CSMD3: variants seen among roughly 807,000 people sequenced by gnomAD.
CSMD3 encodes CUB and sushi domain-containing protein 3.
In CSMD3, 177 loss-of-function variants were observed where a neutral mutation model predicts 435.2. The observed-to-expected ratio is 0.41, with a 90% CI of 0.36 to 0.46. The LOEUF (loss-of-function observed/expected upper bound fraction) is 0.46, where lower values mean the gene tolerates loss of function less well. Among genes scored for constraint, CSMD3 ranks in the 20% least tolerant of loss-of-function variants. The pLI is 0.34. For synonymous variants in CSMD3, 1,656 were observed against 1,520.5 expected, an observed-to-expected ratio of 1.09 and a Z score of -2.07; for missense variants, 4,265 against 4,504.6, an observed-to-expected ratio of 0.95 and a Z score of 1.52.
chr8:113,123,587 G>A (rs577945724), intron 4 of CSMD3, among the ~76,000 whole-genome samples: 2 of 152,098 alleles, frequency 1.3e-5, no homozygotes, highest in South Asian at 2.1e-4. Context: ...TTAGGCATAG[G>A]ATCAAAACTC....
intron 1 of CSMD3, among the ~76,000 whole-genome samples, chr8:113,359,699 T>C (rs4404945): frequency 0.94 from 142,478 of 152,304 alleles, 66,766 homozygotes; most frequent in East Asian, 1. Flanking sequence ...TATTGGTTGT[T>C]GCAAGCAATT....
intron 1 of CSMD3, among the ~76,000 whole-genome samples, chr8:113,354,878 C>T (rs1298314366): frequency 6.6e-6 from 1 of 152,042 alleles, no homozygotes; most frequent in African/African-American, 2.4e-5. Context: ...GGCCCAAGCA[C>T]TCCACCGACC....
chr8:113,280,097 T>C (rs2093602388), intron 2 of CSMD3, among the ~76,000 whole-genome samples: 1 of 151,898 alleles, frequency 6.6e-6, no homozygotes, highest in South Asian at 2.1e-4. Flanking sequence ...TTCGCACCCA[T>C]GTTCATCAAG....
intron 38 of CSMD3, among the ~76,000 whole-genome samples, chr8:112,356,390 G>A (rs1329471656): frequency 6.6e-6 from 1 of 152,130 alleles, no homozygotes; most frequent in African/African-American, 2.4e-5. Context: ...ATTATCTGAG[G>A]AGAATTAATG....
Position 112,539,642 on chromosome 8 carries a change from A to C in CSMD3, c.4564+11029T>G, listed in dbSNP as rs1368201293. 5.3e-5 allele frequency among the ~76,000 whole-genome samples: 8 copies of C among 152,222 alleles called. No homozygotes were observed. The South Asian group carries it at 1.7e-3, about 32-fold the overall frequency. On this transcript the variant is annotated intron_variant, in intron 27 of 70. Coordinates refer to ENST00000297405, the MANE Select transcript of CSMD3 (RefSeq NM_198123.2). Reference sequence around the variant, plus strand: ...ATACATCTACAGCCAACTCATTTTTAACAGATACACTGTGAAAGGACTTCA... The same window carrying C: ...ATACATCTACAGCCAACTCATTTTTCACAGATACACTGTGAAAGGACTTCA...
chr8:113,422,156 C>T (rs1382428970), intron 1 of CSMD3, among the ~76,000 whole-genome samples: 2 of 152,170 alleles, frequency 1.3e-5, no homozygotes, highest in Admixed American at 1.3e-4. Flanking sequence ...CCTCAACCAT[C>T]TGGCTTTTCT....
intron 5 of CSMD3, among the ~76,000 whole-genome samples, chr8:113,084,095 G>T (rs556291525): frequency 6.6e-6 from 1 of 152,168 alleles, no homozygotes; most frequent in Non-Finnish European, 1.5e-5. Context: ...GTCACACAAA[G>T]ATTTAAAATG....
At chr8:112,653,009 G>A (rs111582813) in intron 18 of CSMD3, among the ~76,000 whole-genome samples, 4,387 of 152,126 alleles carry the variant, frequency 0.029, 233 homozygotes, top group African/African-American at 0.099. Flanking sequence ...TAGAGACGTG[G>A]TTTCACCACG....
intron 11 of CSMD3, among the ~76,000 whole-genome samples, chr8:112,850,414 T>C (rs1407497994): frequency 6.6e-6 from 1 of 152,210 alleles, no homozygotes; most frequent in Non-Finnish European, 1.5e-5. Context: ...CAGAAAATGC[T>C]TTTGTTGATG....
intron 35 of CSMD3, among the ~76,000 whole-genome samples, chr8:112,405,248 C>CAT (rs1238563530): frequency 1.8e-5 from 1 of 57,018 alleles, no homozygotes; most frequent in African/African-American, 8.6e-5. Context: ...TATATATATA[C>CAT]ATATATATAT....
At chr8:112,877,603 A>C (rs2130145742) in intron 10 of CSMD3, among the ~76,000 whole-genome samples, 1 of 152,232 alleles carries the variant, frequency 6.6e-6, no homozygotes, top group African/African-American at 2.4e-5. Flanking sequence ...GAGTCCATAT[A>C]GCCAAGACAA....
chr8:113,213,038 C>G (rs1261405392), intron 3 of CSMD3, among the ~76,000 whole-genome samples: 1 of 151,554 alleles, frequency 6.6e-6, no homozygotes, highest in Non-Finnish European at 1.5e-5. Flanking sequence ...AATTTCTTAT[C>G]GCATTTATAT....
At position 113,282,730 on chromosome 8, in the gene CSMD3, AC is replaced by A. The variant is rs1217534764; in HGVS notation, c.402-4027del. Among the ~76,000 whole-genome samples, 4 of 152,074 alleles carry A rather than the reference AC, an allele frequency of 2.6e-5. No homozygotes were observed. The East Asian group carries it at 5.8e-4, about 22-fold the overall frequency. On this transcript the variant is annotated intron_variant, in intron 2 of 70. Transcript: ENST00000297405. ...TCACTCTTCACAGAATTAGAAAAAAACAATTCTAAAATTCATATGGAACCAA... is the reference window on the plus strand; with the variant it reads ...TCACTCTTCACAGAATTAGAAAAAAAAATTCTAAAATTCATATGGAACCAA...
chr8:112,622,275 G>T (rs572485829), intron 22 of CSMD3, among the ~76,000 whole-genome samples: 5 of 152,170 alleles, frequency 3.3e-5, no homozygotes, highest in African/African-American at 1.2e-4. Context: ...TTACTGTTCT[G>T]CCCCATGATG....
At chr8:112,652,406 T>C (rs1036960625) in intron 18 of CSMD3, among the ~76,000 whole-genome samples, 2 of 152,300 alleles carry the variant, frequency 1.3e-5, no homozygotes, top group Admixed American at 1.3e-4. Context: ...TAAAATCGTC[T>C]AAAATCAGAG....
chr8:113,360,249 G>A (rs2094263280), intron 1 of CSMD3, among the ~76,000 whole-genome samples: 1 of 152,108 alleles, frequency 6.6e-6, no homozygotes, highest in Non-Finnish European at 1.5e-5. Flanking sequence ...TCTGGATTCA[G>A]ACAGACCAGG....
intron 12 of CSMD3, among the ~76,000 whole-genome samples, chr8:112,810,296 C>T (rs544159435): frequency 1.6e-4 from 25 of 152,156 alleles, no homozygotes; most frequent in African/African-American, 5.1e-4. Context: ...AAATATTAAT[C>T]CATAAATTTC....
chr8:113,109,150 G>A (rs973875549), intron 4 of CSMD3, among the ~76,000 whole-genome samples: 2 of 152,286 alleles, frequency 1.3e-5, no homozygotes, highest in Middle Eastern at 3.4e-3. Flanking sequence ...CAACAGCAAC[G>A]CTTGATTTAT....
chr8:112,656,070 T>C, intron 18 of CSMD3, 84 bp downstream of exon 18: 1 of 747,630 alleles, frequency 1.3e-6, no homozygotes, highest in Non-Finnish European at 2.4e-6. Context: ...TAAATAGAGC[T>C]AATAGTTCCA....
Sources: allele counts gnomAD v4.1 joint callset (sites outside exome capture counted in the v4.1 genomes callset), GRCh38; gene constraint gnomAD v4.1.1; transcripts MANE v1.5; gene names NCBI Gene and HGNC (gene_info 2026-07-23, HGNC 2026-07-21).